The following LRP1B variants were observed in gnomAD, a reference collection of about 807,000 sequenced individuals.
LRP1B encodes the protein low-density lipoprotein receptor-related protein 1B.
A neutral mutation model predicts 556.6 loss-of-function variants in LRP1B; 217 were observed. That is an observed-to-expected ratio of 0.39 (90% CI 0.35 to 0.44). The LOEUF (loss-of-function observed/expected upper bound fraction) is 0.44. Among genes scored for constraint, LRP1B ranks in the 20% least tolerant of loss-of-function variants. The probability of loss-of-function intolerance (pLI) is 1.00; values close to 1 mark genes in which losing one functional copy is unlikely to be tolerated. For missense variants in LRP1B, 5,053 were observed against 5,620.8 expected, an observed-to-expected ratio of 0.90 and a Z score of 3.23; for synonymous variants, 2,047 against 1,865.8, an observed-to-expected ratio of 1.10 and a Z score of -2.50.
intron 1 of LRP1B, among the ~76,000 whole-genome samples, chr2:142,086,847 G>A (rs1413220815): frequency 1.3e-5 from 2 of 152,110 alleles, no homozygotes; most frequent in African/African-American, 4.8e-5. Flanking sequence ...ATCAGAGTTA[G>A]GTAAGAAAAT....
intron 23 of LRP1B, among the ~76,000 whole-genome samples, chr2:140,889,847 T>A (rs75644077): frequency 6.6e-6 from 1 of 152,196 alleles, no homozygotes; most frequent in Non-Finnish European, 1.5e-5. Context: ...TTTCTACAAC[T>A]ATTTTGGAGA....
chr2:140,947,184 C>T (rs530779964), intron 20 of LRP1B, among the ~76,000 whole-genome samples: 11 of 152,008 alleles, frequency 7.2e-5, no homozygotes, highest in Non-Finnish European at 1.0e-4. Context: ...TAAAATTTAA[C>T]AAAAATAAAT....
intron 83 of LRP1B, among the ~76,000 whole-genome samples, chr2:140,303,809 C>G (rs1022379534): frequency 2.7e-5 from 4 of 150,330 alleles, no homozygotes; most frequent in South Asian, 4.2e-4. Context: ...CCCTCCCCCC[C>G]TCCTCCCACC....
intron 71 of LRP1B, among the ~76,000 whole-genome samples, chr2:140,368,421 T>G (rs2105160150): frequency 6.6e-6 from 1 of 151,924 alleles, no homozygotes; most frequent in Admixed American, 6.6e-5. Context: ...TATAATTTAT[T>G]TGACTAACAC....
At chr2:141,920,177 A>T (rs531615160) in intron 1 of LRP1B, among the ~76,000 whole-genome samples, 1 of 150,346 alleles carries the variant, frequency 6.7e-6, no homozygotes, top group Admixed American at 6.7e-5. Flanking sequence ...TTCCGAACTC[A>T]GTCTATTAAA....
At chr2:141,218,975 C>A (rs751787183) in intron 6 of LRP1B, among the ~76,000 whole-genome samples, 1 of 152,196 alleles carries the variant, frequency 6.6e-6, no homozygotes, top group African/African-American at 2.4e-5. Flanking sequence ...GACCAAGGTG[C>A]CACACAGGAT....
intron 2 of LRP1B, among the ~76,000 whole-genome samples, chr2:141,608,274 T>A (rs1428174766): frequency 2.0e-5 from 3 of 152,200 alleles, no homozygotes; most frequent in African/African-American, 7.2e-5. Context: ...CAATGCCATA[T>A]ACTGCATGGT....
intron 86 of LRP1B, among the ~76,000 whole-genome samples, chr2:140,269,602 T>C (rs1444421891): frequency 6.6e-6 from 1 of 151,920 alleles, no homozygotes; most frequent in African/African-American, 2.4e-5. Flanking sequence ...GGTCAAACAG[T>C]GATGAAACTC....
At position 141,519,402 on chromosome 2, in the gene LRP1B, T is replaced by TATATAA. The variant is rs1559118193; in HGVS notation, c.206-38870_206-38869insTTATAT. Among the ~76,000 whole-genome samples the TATATAA allele has an allele frequency of 1.3e-4, 4 of 29,876 alleles. 1 individual carries two copies. Among genetic ancestry groups the TATATAA allele is most frequent in the African/African-American group, 5.3e-4 (4 of 7,552 alleles). The allele number at this position is 29,876 out of a possible 152,430, so 19.6% of individuals were successfully genotyped here. On this transcript the variant is annotated intron_variant, in intron 2 of 90. Transcript: ENST00000389484. Reference sequence around the variant, plus strand: ...ATATATATATATATATATATATATATGAAATGCAATATTTATTGAATTTAG... The same window carrying TATATAA: ...ATATATATATATATATATATATATATATATAAGAAATGCAATATTTATTGAATTTAG...
chr2:141,708,908 T>A (rs1052481294), intron 2 of LRP1B, among the ~76,000 whole-genome samples: 2 of 152,154 alleles, frequency 1.3e-5, no homozygotes, highest in African/African-American at 4.8e-5. Context: ...AACCTGCTAA[T>A]ACCTTGATCT....
chr2:141,226,496 T>C (rs1057248021), intron 6 of LRP1B, among the ~76,000 whole-genome samples: 26 of 152,156 alleles, frequency 1.7e-4, no homozygotes, highest in African/African-American at 3.4e-4. Context: ...TTTCTTCTCA[T>C]AGCAATCCTT....
intron 2 of LRP1B, among the ~76,000 whole-genome samples, chr2:141,611,761 G>C (rs903635558): frequency 3.9e-5 from 6 of 152,198 alleles, no homozygotes; most frequent in African/African-American, 1.2e-4. Flanking sequence ...CAATGCAAGA[G>C]AGCGTTCTGG....
chr2:141,096,558 G>A (rs555728164), intron 7 of LRP1B, among the ~76,000 whole-genome samples: 12 of 148,552 alleles, frequency 8.1e-5, no homozygotes, highest in Non-Finnish European at 1.6e-4. Flanking sequence ...TCACACCTGG[G>A]AGGCGGAGGT....
chr2:140,702,478 G>C lies in LRP1B; in HGVS notation c.6099C>G (p.Val2033=), dbSNP rs754521325. 6.2e-7 allele frequency: 1 copy of C among 1,613,518 alleles called. No individual in the cohort carries two copies. The highest frequency in any genetic ancestry group is 8.5e-7 in the Non-Finnish European group (1 of 1,179,692). Residue 2033 remains valine (V), a synonymous_variant, in exon 38 of 91, where the codon GTC becomes GTG. Coordinates refer to ENST00000389484, the MANE Select transcript of LRP1B (RefSeq NM_018557.3). ...KARLDGSEKV[V]LVSMGIAWPN... The stretch of plus-strand genomic sequence containing the variant: ...GCCATGCTATTCCCATGCTTACAAG[G>C]ACAACCTTCTCTGAGCCATCCAAGC...
chr2:141,416,441 C>T (rs1419268758), intron 3 of LRP1B, among the ~76,000 whole-genome samples: 1 of 143,298 alleles, frequency 7.0e-6, no homozygotes, highest in Non-Finnish European at 1.5e-5. Context: ...TAATATTTGA[C>T]AGCCATTTTT....
chr2:140,326,476 A>G (rs1213828815), intron 79 of LRP1B, among the ~76,000 whole-genome samples: 1 of 150,848 alleles, frequency 6.6e-6, no homozygotes, highest in Non-Finnish European at 1.5e-5. Flanking sequence ...CTGTAATCCC[A>G]CCACTTTGGG....
chr2:140,324,840 C>T (rs1025286150), intron 80 of LRP1B, among the ~76,000 whole-genome samples: 2 of 147,400 alleles, frequency 1.4e-5, no homozygotes, highest in African/African-American at 5.0e-5. Flanking sequence ...AACAAGTTAA[C>T]TTCATTGTAA....
chr2:140,490,867 G>A (rs952658300), intron 57 of LRP1B, among the ~76,000 whole-genome samples: 2 of 152,038 alleles, frequency 1.3e-5, no homozygotes, highest in African/African-American at 4.8e-5. Flanking sequence ...CTTCATGAAC[G>A]TTTTCATCAT....
chr2:141,179,310 G>T (rs1680890146), intron 7 of LRP1B, among the ~76,000 whole-genome samples: 1 of 151,896 alleles, frequency 6.6e-6, no homozygotes, highest in Non-Finnish European at 1.5e-5. Flanking sequence ...TGGAAAACTA[G>T]CTTGAAAACT....
Sources: gnomAD v4.1 joint callset for allele counts (sites outside exome capture counted in the v4.1 genomes callset) on GRCh38, gnomAD v4.1.1 for gene constraint, MANE v1.5 for transcripts, NCBI Gene and HGNC (gene_info 2026-07-23, HGNC 2026-07-21) for gene names.